The following SNTG1 variants were observed in gnomAD, a reference collection of about 807,000 sequenced individuals.
SNTG1 encodes the protein syntrophin gamma 1.
SNTG1 carries 39 observed loss-of-function variants against 74.7 expected under a neutral mutation model. The observed-to-expected ratio is 0.52, with a 90% CI of 0.40 to 0.68. SNTG1 has a LOEUF of 0.68. Among genes scored for constraint, SNTG1 ranks in the 30% least tolerant of loss-of-function variants. SNTG1 has a pLI of 0.00. For synonymous variants in SNTG1, 254 were observed against 217.1 expected (o/e 1.17, Z -1.49); for missense variants, 685 against 609.5 (o/e 1.12, Z -1.30).
chr8:50,654,570 T>TTCTCCTTCATG (rs2095168974), intron 13 of SNTG1, among the ~76,000 whole-genome samples: 1 of 152,214 alleles, frequency 6.6e-6, no homozygotes, highest in Admixed American at 6.5e-5. Flanking sequence ...GTCTATTGTT[T>TTCTCCTTCATG]TTATTCTTCA....
chr8:49,934,763 G>A (rs1194408128), intron 1 of SNTG1, among the ~76,000 whole-genome samples: 3 of 152,148 alleles, frequency 2.0e-5, no homozygotes, highest in Non-Finnish European at 4.4e-5. Flanking sequence ...AGTACCATGT[G>A]TGAACAAGTA....
rs60947505 is a variant in SNTG1, at chr8:50,053,623, T to TTG, written c.-102-118904_-102-118903dup. 7.1e-3 allele frequency among the ~76,000 whole-genome samples: 956 copies of TTG among 134,442 alleles called. 6 individuals carry two copies. Among genetic ancestry groups the TTG allele is most frequent in the African/African-American group, 0.016 (574 of 34,842 alleles). 88.2% of individuals were successfully genotyped at this position (134,442 alleles called of 152,430 possible). On this transcript the variant is annotated intron_variant, in intron 1 of 18. Transcript: ENST00000642720. ...TATGCATATATATAAATATATATAATTGTGTGTGTGTGTGTGTGTGTGTGT... is the reference window on the plus strand; with the variant it reads ...TATGCATATATATAAATATATATAATTGTGTGTGTGTGTGTGTGTGTGTGTGT...
In SNTG1 at chr8:50,264,938, T is replaced by A. The variant is rs965247343; in HGVS notation, c.-28+92303T>A. Among the ~76,000 whole-genome samples the A allele has an allele frequency of 2.0e-5, 3 of 152,076 alleles. No homozygotes were observed. The East Asian group carries it at 5.8e-4, about 29-fold the overall frequency. The stretch of plus-strand genomic sequence containing the variant: ...TATACCAAAGTAACTCATTAAGAAA[T>A]ACAAAACTAGAATAGACCTATAAAT... On this transcript the variant is annotated intron_variant, in intron 2 of 18. Transcript: ENST00000642720.
chr8:50,768,589 A>C (rs139778177), intron 18 of SNTG1, among the ~76,000 whole-genome samples: 71 of 152,122 alleles, frequency 4.7e-4, no homozygotes, highest in African/African-American at 1.6e-3. Context: ...TAAATAAAGG[A>C]TCAGCTTTCA....
At chr8:50,040,498 A>G (rs1818544352) in intron 1 of SNTG1, among the ~76,000 whole-genome samples, 1 of 152,218 alleles carries the variant, frequency 6.6e-6, no homozygotes, top group Non-Finnish European at 1.5e-5. Flanking sequence ...AAACTACACC[A>G]TTAAAAACTT....
intron 2 of SNTG1, among the ~76,000 whole-genome samples, chr8:50,244,462 A>G (rs545620048): frequency 1.3e-5 from 2 of 152,290 alleles, no homozygotes; most frequent in Non-Finnish European, 2.9e-5. Flanking sequence ...TTTGTGTTTC[A>G]TGACACTCTA....
intron 2 of SNTG1, among the ~76,000 whole-genome samples, chr8:50,373,130 T>C (rs2092306145): frequency 6.6e-6 from 1 of 152,244 alleles, no homozygotes; most frequent in Non-Finnish European, 1.5e-5. Context: ...CATGTGTTAA[T>C]TACAAATCAT....
At chr8:50,688,131 A>G (rs1312168042) in intron 15 of SNTG1, among the ~76,000 whole-genome samples, 1 of 151,894 alleles carries the variant, frequency 6.6e-6, no homozygotes, top group Non-Finnish European at 1.5e-5. Flanking sequence ...AATTTGTTTG[A>G]GTTCATTGAA....
chr8:50,298,428 C>T (rs1199016717), intron 2 of SNTG1, among the ~76,000 whole-genome samples: 1 of 152,070 alleles, frequency 6.6e-6, no homozygotes, highest in Non-Finnish European at 1.5e-5. Context: ...CTGCCTTATT[C>T]CCTTTGTAAG....
chr8:50,036,625 A>G (rs1818190671), intron 1 of SNTG1, among the ~76,000 whole-genome samples: 1 of 152,198 alleles, frequency 6.6e-6, no homozygotes, highest in Non-Finnish European at 1.5e-5. Context: ...AGCTCTTAGA[A>G]CGGTGTCTAG....
At chr8:50,308,653 T>A (rs1267857698) in intron 2 of SNTG1, among the ~76,000 whole-genome samples, 1 of 152,180 alleles carries the variant, frequency 6.6e-6, no homozygotes. Flanking sequence ...TAGAGCACAC[T>A]ACCATTAATT....
intron 11 of SNTG1, among the ~76,000 whole-genome samples, chr8:50,546,871 T>G (rs2094392020): frequency 6.6e-6 from 1 of 152,126 alleles, no homozygotes. Context: ...AACCTCTGCC[T>G]CCTGAGTTCA....
intron 1 of SNTG1, among the ~76,000 whole-genome samples, chr8:49,924,573 C>A (rs768404830): frequency 9.2e-5 from 14 of 152,154 alleles, no homozygotes; most frequent in Admixed American, 3.3e-4. Flanking sequence ...AATGTACTCA[C>A]AGATGATCAG....
rs1489897736 is a variant in SNTG1 at position 50,247,839 on chromosome 8, A to T, written c.-28+75204A>T. Among the ~76,000 whole-genome samples the T allele has an allele frequency of 3.3e-5, 5 of 152,094 alleles. No individual in the cohort carries two copies. In the East Asian group the frequency reaches 7.7e-4, roughly 24 times the overall value. ...GTGCTTGGTCCCATGGGTTTTTCAT[A>T]ATACTAATTTTCCATGAGCTTTTTG... On this transcript the variant is annotated intron_variant, in intron 2 of 18. Transcript: ENST00000642720.
At chr8:50,032,140 C>T (rs1176244956) in intron 1 of SNTG1, among the ~76,000 whole-genome samples, 1 of 151,730 alleles carries the variant, frequency 6.6e-6, no homozygotes, top group African/African-American at 2.4e-5. Flanking sequence ...ATGTTCCTTC[C>T]TTCATTTCTA....
intron 2 of SNTG1, among the ~76,000 whole-genome samples, chr8:50,219,042 A>T (rs1175545100): frequency 6.6e-6 from 1 of 152,196 alleles, no homozygotes; most frequent in South Asian, 2.1e-4. Flanking sequence ...CCAAAAGGTG[A>T]TTTTCTCTAG....
At chr8:50,104,061 T>A (rs1352429200) in intron 1 of SNTG1, among the ~76,000 whole-genome samples, 2 of 152,200 alleles carry the variant, frequency 1.3e-5, no homozygotes, top group Non-Finnish European at 2.9e-5. Context: ...GGCATCAGGA[T>A]GATGCTGGCC....
chr8:50,221,398 G>A (rs1463497624), intron 2 of SNTG1, among the ~76,000 whole-genome samples: 1 of 151,510 alleles, frequency 6.6e-6, no homozygotes, highest in East Asian at 1.9e-4. Flanking sequence ...AAGCTGAAGT[G>A]TTAAAAAATA....
rs192810308 is a variant in SNTG1, at chr8:50,375,480, G to T, written c.-27-18732G>T. ...AATCAAGGGCATGGCAGCTGTGGGAGGGGTGCTGAGCAATTGTGAGCATGA... is the reference window on the plus strand; with the variant it reads ...AATCAAGGGCATGGCAGCTGTGGGATGGGTGCTGAGCAATTGTGAGCATGA... On this transcript the variant is annotated intron_variant, in intron 2 of 18. Transcript: ENST00000642720. 7.2e-5 allele frequency among the ~76,000 whole-genome samples: 11 copies of T among 152,202 alleles called. No homozygotes were observed. In the South Asian group the frequency reaches 1.9e-3, roughly 26 times the overall value.
Sources: gnomAD v4.1 joint callset for allele counts (sites outside exome capture counted in the v4.1 genomes callset) on GRCh38, gnomAD v4.1.1 for gene constraint, MANE v1.5 for transcripts, NCBI Gene and HGNC (gene_info 2026-07-23, HGNC 2026-07-21) for gene names.